The following HMBOX1 variants were observed in gnomAD, a reference collection of about 807,000 sequenced individuals.
HMBOX1 encodes homeobox-containing protein 1.
Under a neutral mutation model 54.5 loss-of-function variants are expected in HMBOX1, and 14 were observed. The ratio of observed to expected loss-of-function variants is 0.26; its 90% CI spans 0.17 to 0.40. HMBOX1 has a LOEUF of 0.40. Among genes scored for constraint, HMBOX1 ranks in the 10% least tolerant of loss-of-function variants. The probability of loss-of-function intolerance (pLI) is 1.00; values close to 1 mark genes in which losing one functional copy is unlikely to be tolerated. For synonymous variants in HMBOX1, 160 were observed against 181.0 expected (o/e 0.88, Z 0.93); for missense variants, 332 against 514.4 (o/e 0.65, Z 3.43).
At chr8:29,035,512 A>G (rs1803710567) in intron 6 of HMBOX1, among the ~76,000 whole-genome samples, 1 of 152,228 alleles carries the variant, frequency 6.6e-6, no homozygotes, top group Non-Finnish European at 1.5e-5. Context: ...GCTGCCATCT[A>G]GCTAAAGTGG....
chr8:29,001,700 CG>C lies in HMBOX1; in HGVS notation c.587-7371del, dbSNP rs546744715. 8.1e-4 allele frequency among the ~76,000 whole-genome samples: 123 copies of C among 152,224 alleles called. 2 individuals carry two copies. Among genetic ancestry groups the C allele is most frequent in the Non-Finnish European group, 2.5e-4 (17 of 67,998 alleles). Reference sequence around the variant, plus strand: ...ATGCATCATGTACATTTATCACATGCGTCTGTATATTTATCAAAACTCATTG... The same window carrying C: ...ATGCATCATGTACATTTATCACATGCTCTGTATATTTATCAAAACTCATTG... On this transcript the variant is annotated intron_variant, in intron 4 of 9. Transcript: ENST00000287701.
At chr8:28,980,915 A>G (rs1356972857) in intron 4 of HMBOX1, among the ~76,000 whole-genome samples, 3 of 152,110 alleles carry the variant, frequency 2.0e-5, no homozygotes, top group South Asian at 4.2e-4. Flanking sequence ...TTGCATATTG[A>G]TAGATATAAA....
intron 1 of HMBOX1, among the ~76,000 whole-genome samples, chr8:28,894,148 C>T (rs1811580218): frequency 6.6e-6 from 1 of 152,138 alleles, no homozygotes; most frequent in East Asian, 1.9e-4. Context: ...TATTCTTTGG[C>T]TAGATTTTTC....
intron 1 of HMBOX1, among the ~76,000 whole-genome samples, chr8:28,962,146 A>G (rs1048517729): frequency 6.6e-6 from 1 of 152,102 alleles, no homozygotes; most frequent in Non-Finnish European, 1.5e-5. Flanking sequence ...ACATCTGTCA[A>G]TTAGAAAAAA....
chr8:28,960,765 C>CTTTTTCTTTTTTTTTTTTTTTTTT (rs1825384381), intron 1 of HMBOX1, among the ~76,000 whole-genome samples: 1 of 16,260 alleles, frequency 6.2e-5, no homozygotes, highest in Non-Finnish European at 1.3e-4. Context: ...TTTTCTTTTT[C>CTTTTTCTTTTTTTTTTTTTTTTTT]TTTTTTTTTT....
Position 28,985,919 on chromosome 8 carries a change from A to G in HMBOX1, c.586+5763A>G, listed in dbSNP as rs545812939. Among the ~76,000 whole-genome samples, 43 of 152,258 alleles carry G rather than the reference A, an allele frequency of 2.8e-4. No individual in the cohort carries two copies. In the South Asian group the frequency reaches 7.5e-3, roughly 26 times the overall value. On this transcript the variant is annotated intron_variant, in intron 4 of 9. Coordinates refer to ENST00000287701, the MANE Select transcript of HMBOX1 (RefSeq NM_001135726.3). ...CAGAGTGGTACCTTTGTTACTGTCA[A>G]TGAACCTACACTGACACGTCATTGT... is the stretch of plus-strand genomic sequence containing the variant.
At chr8:28,894,101 C>T (rs544151968) in intron 1 of HMBOX1, among the ~76,000 whole-genome samples, 57 of 152,082 alleles carry the variant, frequency 3.7e-4, no homozygotes, top group Non-Finnish European at 7.4e-4. Context: ...TTATTTAGTT[C>T]TTTGGCTTCT....
At chr8:28,927,741 A>C (rs7844394) in intron 1 of HMBOX1, among the ~76,000 whole-genome samples, 1 of 150,892 alleles carries the variant, frequency 6.6e-6, no homozygotes, top group African/African-American at 2.4e-5. Context: ...CTTTTATAAA[A>C]AACTACTACT....
At chr8:29,026,774 T>C (rs996928746) in intron 6 of HMBOX1, among the ~76,000 whole-genome samples, 1 of 152,172 alleles carries the variant, frequency 6.6e-6, no homozygotes, top group Non-Finnish European at 1.5e-5. Context: ...AGAATGTTAT[T>C]TTAATTTGGG....
chr8:29,027,876 C>G (rs1757732766), intron 6 of HMBOX1, among the ~76,000 whole-genome samples: 1 of 152,090 alleles, frequency 6.6e-6, no homozygotes, highest in African/African-American at 2.4e-5. Flanking sequence ...ATGAATATCT[C>G]TGTTTGTGTT....
chr8:28,976,999 G>A (rs1379101088), intron 3 of HMBOX1, among the ~76,000 whole-genome samples: 1 of 152,094 alleles, frequency 6.6e-6, no homozygotes, highest in African/African-American at 2.4e-5. Context: ...GTGACCCACC[G>A]TGCCTGGCTA....
At chr8:29,021,627 G>A (rs541257006) in intron 6 of HMBOX1, among the ~76,000 whole-genome samples, 3 of 151,996 alleles carry the variant, frequency 2.0e-5, no homozygotes, top group East Asian at 1.9e-4. Context: ...AGGCCGAGGC[G>A]GGCGGATCAC....
intron 1 of HMBOX1, chr8:28,891,753 C>T (rs1054777486): frequency 4.6e-5 from 7 of 152,274 alleles, no homozygotes; most frequent in African/African-American, 1.4e-4. Context: ...TTGCATTTGC[C>T]TGAAAGCTGG....
chr8:28,894,040 G>A (rs554924134), intron 1 of HMBOX1, among the ~76,000 whole-genome samples: 67 of 152,214 alleles, frequency 4.4e-4, no homozygotes, highest in African/African-American at 1.1e-3. Flanking sequence ...TAGATAAACC[G>A]AATAGTGCTC....
intron 6 of HMBOX1, among the ~76,000 whole-genome samples, chr8:29,027,761 G>C (rs1291505109): frequency 6.6e-6 from 1 of 152,200 alleles, no homozygotes; most frequent in Non-Finnish European, 1.5e-5. Context: ...CCAAATTTGT[G>C]TGGAAAGGTT....
chr8:28,894,997 T>G (rs1811822510), intron 1 of HMBOX1, among the ~76,000 whole-genome samples: 1 of 152,162 alleles, frequency 6.6e-6, no homozygotes, highest in African/African-American at 2.4e-5. Context: ...GATCAATTAT[T>G]TTAACTTTTT....
chr8:28,911,311 T>G (rs1432714754), intron 1 of HMBOX1, among the ~76,000 whole-genome samples: 2 of 152,208 alleles, frequency 1.3e-5, no homozygotes, highest in African/African-American at 4.8e-5. Context: ...GCAGTCTGAT[T>G]AGGACAGCAA....
chr8:29,050,971 G>T (rs1263296955), intron 9 of HMBOX1, 47 bp from the exon 10 acceptor site: 3 of 1,585,326 alleles, frequency 1.9e-6, no homozygotes, highest in East Asian at 2.2e-5. Context: ...TGTGACTAAA[G>T]AATTCTTCCA....
At chr8:28,924,864 G>C (rs1200428255) in intron 1 of HMBOX1, 1 of 151,070 alleles carries the variant, frequency 6.6e-6, no homozygotes, top group Non-Finnish European at 1.5e-5. Flanking sequence ...CACCCGCCTC[G>C]GCCTCCCAAA....
Sources: gnomAD v4.1 joint callset for allele counts (sites outside exome capture counted in the v4.1 genomes callset) on GRCh38, gnomAD v4.1.1 for gene constraint, MANE v1.5 for transcripts, NCBI Gene and HGNC (gene_info 2026-07-23, HGNC 2026-07-21) for gene names.